SBF2: variants seen among roughly 807,000 people sequenced by gnomAD.
The protein encoded by SBF2 is myotubularin-related protein 13.
Under a neutral mutation model 225.2 loss-of-function variants are expected in SBF2, and 112 were observed. The ratio of observed to expected loss-of-function variants is 0.50; its 90% CI spans 0.43 to 0.58. The LOEUF is 0.58. Ranked by LOEUF, SBF2 falls within the 20% of genes least tolerant of loss-of-function variation. The pLI is 0.00. For missense variants in SBF2, 1,996 were observed against 2,206.2 expected, an observed-to-expected ratio of 0.90 and a Z score of 1.91; for synonymous variants, 763 against 773.3, an observed-to-expected ratio of 0.99 and a Z score of 0.22.
At chr11:10,200,470 G>C (rs1257408937) in intron 1 of SBF2, among the ~76,000 whole-genome samples, 2 of 152,072 alleles carry the variant, frequency 1.3e-5, no homozygotes, top group East Asian at 3.8e-4. Context: ...TGTTATTTAA[G>C]GTCTCTTGGT....
chr11:9,918,743 G>T (rs530402078), intron 16 of SBF2, among the ~76,000 whole-genome samples: 1 of 149,662 alleles, frequency 6.7e-6, no homozygotes, highest in African/African-American at 2.5e-5. Flanking sequence ...GTGGATTTAC[G>T]TCTTTTTTTT....
Position 10,014,976 on chromosome 11 carries a change from CA to C in SBF2, c.620-12288del, listed in dbSNP as rs537473420. ...GAAATCCCGTCTTTACTAAAAAATA[CA>C]AAAATTAGCCAGGCATGGTGGTGTG... On this transcript the variant is annotated intron_variant, in intron 6 of 39. Transcript: ENST00000256190. Among the ~76,000 whole-genome samples the C allele has an allele frequency of 3.8e-3, 576 of 152,036 alleles. 4 individuals carry two copies. The highest frequency in any genetic ancestry group is 5.2e-3 in the South Asian group (25 of 4,824).
At chr11:10,145,294 GA>G (rs1217144322) in intron 2 of SBF2, among the ~76,000 whole-genome samples, 1 of 152,126 alleles carries the variant, frequency 6.6e-6, no homozygotes, top group Admixed American at 6.5e-5. Context: ...TTCAAAGAAT[GA>G]AGACCTCAGA....
intron 1 of SBF2, among the ~76,000 whole-genome samples, chr11:10,250,848 G>C (rs185705786): frequency 5.8e-4 from 89 of 152,148 alleles, no homozygotes; most frequent in Non-Finnish European, 9.7e-4. Flanking sequence ...AACTGAGAAG[G>C]GTCCCTCCAC....
At chr11:10,121,244 G>A (rs183839356) in intron 2 of SBF2, among the ~76,000 whole-genome samples, 1 of 152,152 alleles carries the variant, frequency 6.6e-6, no homozygotes, top group Non-Finnish European at 1.5e-5. Flanking sequence ...GATAGGTAAT[G>A]GTTGAAATAC....
intron 1 of SBF2, among the ~76,000 whole-genome samples, chr11:10,263,825 C>CA (rs1393831335): frequency 6.6e-6 from 1 of 152,110 alleles, no homozygotes; most frequent in Non-Finnish European, 1.5e-5. Flanking sequence ...GGTGAGGAAA[C>CA]ACTTGAACAG....
At chr11:9,815,591 A>G (rs1011309664) in intron 29 of SBF2, among the ~76,000 whole-genome samples, 1 of 152,198 alleles carries the variant, frequency 6.6e-6, no homozygotes, top group Non-Finnish European at 1.5e-5. Flanking sequence ...TCACATAGCT[A>G]ATCTGAGAAA....
At chr11:9,927,752 T>C (rs1216195734) in intron 16 of SBF2, among the ~76,000 whole-genome samples, 1 of 152,096 alleles carries the variant, frequency 6.6e-6, no homozygotes. Context: ...TTCCTCAGTA[T>C]CCTAGGAATC....
intron 6 of SBF2, among the ~76,000 whole-genome samples, chr11:10,018,941 G>C (rs1948744993): frequency 6.6e-6 from 1 of 152,038 alleles, no homozygotes; most frequent in South Asian, 2.1e-4. Flanking sequence ...TTCCTATAAT[G>C]CTAAATATGC....
intron 2 of SBF2, among the ~76,000 whole-genome samples, chr11:10,076,230 A>G (rs1479740936): frequency 6.6e-6 from 1 of 152,202 alleles, no homozygotes; most frequent in Non-Finnish European, 1.5e-5. Context: ...CTAGATCTTA[A>G]GTTGGAGAAC....
intron 2 of SBF2, among the ~76,000 whole-genome samples, chr11:10,167,942 C>T (rs1956040566): frequency 6.6e-6 from 1 of 152,176 alleles, no homozygotes; most frequent in Admixed American, 6.5e-5. Context: ...CACTTGAGTC[C>T]CGGAGGTGGA....
intron 28 of SBF2, among the ~76,000 whole-genome samples, chr11:9,828,956 C>A (rs112288069): frequency 2.7e-5 from 4 of 146,826 alleles, no homozygotes; most frequent in African/African-American, 1.1e-4. Context: ...TATTTATATT[C>A]CCCACTTCCT....
intron 14 of SBF2, among the ~76,000 whole-genome samples, chr11:9,967,509 T>C (rs576758479): frequency 8.5e-5 from 13 of 152,124 alleles, no homozygotes; most frequent in African/African-American, 2.9e-4. Flanking sequence ...ATGTCCAGAA[T>C]ACGTAAAGCT....
chr11:10,181,747 G>A (rs1039032654), intron 2 of SBF2, among the ~76,000 whole-genome samples: 4 of 152,044 alleles, frequency 2.6e-5, no homozygotes, highest in Non-Finnish European at 5.9e-5. Flanking sequence ...TAAGAGATAT[G>A]AGTATAATTC....
intron 13 of SBF2, among the ~76,000 whole-genome samples, chr11:9,981,451 AT>A (rs1459627676): frequency 3.3e-5 from 5 of 152,234 alleles, no homozygotes; most frequent in African/African-American, 1.2e-4. Flanking sequence ...TTAATCTAAA[AT>A]AAAAGTTGAA....
intron 2 of SBF2, among the ~76,000 whole-genome samples, chr11:10,100,847 G>A (rs773021802): frequency 6.6e-6 from 1 of 152,140 alleles, no homozygotes; most frequent in Non-Finnish European, 1.5e-5. Context: ...TCCACTGCAG[G>A]GTGTCTGTCT....
At chr11:9,799,085 A>T (rs1400208780) in intron 32 of SBF2, among the ~76,000 whole-genome samples, 1 of 152,164 alleles carries the variant, frequency 6.6e-6, no homozygotes, top group African/African-American at 2.4e-5. Context: ...GATGATTCTG[A>T]CATTTAATCT....
At chr11:9,787,925 G>A (rs1294327208) in intron 35 of SBF2, 187 bp from the exon 36 acceptor site, 8 of 627,634 alleles carry the variant, frequency 1.3e-5, no homozygotes, top group Admixed American at 5.1e-5. Context: ...TTGGTGTGCC[G>A]TACTGTGGCA....
intron 6 of SBF2, 67 bp from the exon 7 acceptor site, chr11:10,002,756 C>T (rs900141462): frequency 1.4e-6 from 2 of 1,478,946 alleles, no homozygotes; most frequent in African/African-American, 1.4e-5. Context: ...CAATCATAGA[C>T]AGTATACACG....
Sources: allele counts gnomAD v4.1 joint callset (sites outside exome capture counted in the v4.1 genomes callset), GRCh38; gene constraint gnomAD v4.1.1; transcripts MANE v1.5; gene names NCBI Gene and HGNC (gene_info 2026-07-23, HGNC 2026-07-21).